Variants in RBM6 observed in about 807,000 individuals in gnomAD.
The protein encoded by RBM6 is RNA binding motif protein 6, also known as RNA-binding protein 6.
Under a neutral mutation model 140.4 loss-of-function variants are expected in RBM6, and 23 were observed. That is an observed-to-expected ratio of 0.16 (90% CI 0.12 to 0.23). The LOEUF (loss-of-function observed/expected upper bound fraction) is 0.23. Ranked by LOEUF, RBM6 falls within the 10% of genes least tolerant of loss-of-function variation. RBM6 has a pLI of 1.00. For synonymous variants in RBM6, 439 were observed against 475.6 expected (o/e 0.92, Z 1.00); for missense variants, 1,139 against 1,386.7 (o/e 0.82, Z 2.84).
chr3:49,967,578 T>A lies in RBM6; in HGVS notation c.153T>A (p.Asp51Glu). Residue 51 changes from aspartate (D) to glutamate (E), a missense_variant, in exon 3 of 21, where the codon GAT becomes GAA. Transcript: ENST00000266022. The surrounding 1 kb of genome is among the most constrained non-coding windows in gnomAD (Gnocchi z 4.0). ...ACTCTGGCAACTTTCCTGGCAGAGATTCACTTCCCTTTGATTTCCAGGGGC... is the reference window on the plus strand; with the variant it reads ...ACTCTGGCAACTTTCCTGGCAGAGAATCACTTCCCTTTGATTTCCAGGGGC... The part of the protein sequence containing the change: ...ERHSGNFPGR[D>E]SLPFDFQGHS... The A allele has an allele frequency of 6.2e-7, 1 of 1,614,168 alleles. No individual in the cohort carries two copies. The highest frequency in any genetic ancestry group is 8.5e-7 in the Non-Finnish European group (1 of 1,180,024).
chr3:50,015,330 A>G (rs1185929349), intron 6 of RBM6, among the ~76,000 whole-genome samples: 1 of 147,666 alleles, frequency 6.8e-6, no homozygotes, highest in African/African-American at 2.5e-5. Flanking sequence ...CTGGTCTCAA[A>G]CTCCTGACCT....
chr3:50,033,876 G>A (rs1234526328), intron 6 of RBM6, among the ~76,000 whole-genome samples: 3 of 151,942 alleles, frequency 2.0e-5, no homozygotes, highest in African/African-American at 4.8e-5. Context: ...TCCCGACCTC[G>A]TGATCCCCCT....
chr3:49,998,855 G>GA (rs1453328817), intron 5 of RBM6, among the ~76,000 whole-genome samples: 2 of 151,782 alleles, frequency 1.3e-5, no homozygotes, highest in African/African-American at 4.8e-5. Context: ...TTGAAACAAG[G>GA]AAAAAAAGAG....
chr3:50,055,149 T>C (rs2089650045), intron 8 of RBM6, among the ~76,000 whole-genome samples: 1 of 152,184 alleles, frequency 6.6e-6, no homozygotes, highest in African/African-American at 2.4e-5. Flanking sequence ...CAATTTGAGC[T>C]AGGCATGGTG....
chr3:50,057,965 C>T lies in RBM6; in HGVS notation c.1931C>T (p.Ser644Leu). 2 of 1,614,042 alleles carry T rather than the reference C, an allele frequency of 1.2e-6. No individual in the cohort carries two copies. The highest frequency in any genetic ancestry group is 1.7e-6 in the Non-Finnish European group (2 of 1,180,034). ...TTCCGAAGAGACCGAGAGAGGGAGT[C>T]ATGGTCTGGAGAGACACGCCAGGAT... ...PTFRRDRERE[S>L]WSGETRQDGE... Residue 644 changes from serine (S) to leucine (L), a missense_variant, in exon 9 of 21, where the codon TCA becomes TTA. Around this residue, in one of 9 missense-constraint regions of RBM6, gnomAD observed 109 missense variants for 101.9 expected, o/e 1.07. Transcript: ENST00000266022.
At chr3:50,034,081 C>CT (rs1195086794) in intron 6 of RBM6, among the ~76,000 whole-genome samples, 1 of 139,260 alleles carries the variant, frequency 7.2e-6, no homozygotes, top group Admixed American at 7.9e-5. Context: ...TTATTTGTTT[C>CT]TATACTTCCT....
chr3:50,062,466 T>C (rs993808616), intron 15 of RBM6, among the ~76,000 whole-genome samples: 2 of 148,676 alleles, frequency 1.3e-5, no homozygotes, highest in Non-Finnish European at 3.0e-5. Flanking sequence ...ATCGCGCCAC[T>C]ACACTCCAGC....
intron 5 of RBM6, among the ~76,000 whole-genome samples, chr3:49,980,581 G>A (rs116563428): frequency 0.014 from 2,095 of 151,312 alleles, 50 homozygotes; most frequent in African/African-American, 0.048. Flanking sequence ...CCAACATGGC[G>A]AACGAAACCT....
chr3:50,061,769 G>A, intron 14 of RBM6, 193 bp from the exon 15 acceptor site: 7 of 1,303,406 alleles, frequency 5.4e-6, no homozygotes, highest in Non-Finnish European at 7.2e-6. Context: ...TGTTGCTCTT[G>A]AAAAAGTGGA....
chr3:50,066,545 TG>T (rs1214050770), intron 17 of RBM6, 43 bp downstream of exon 17: 1 of 1,584,942 alleles, frequency 6.3e-7, no homozygotes, highest in South Asian at 1.1e-5. Context: ...TGTTGACTCT[TG>T]GCCGGGCTTT....
intron 5 of RBM6, among the ~76,000 whole-genome samples, chr3:49,990,083 C>T (rs1408258930): frequency 1.3e-5 from 2 of 152,106 alleles, no homozygotes; most frequent in African/African-American, 4.8e-5. Context: ...AGTAATACTA[C>T]ATTGAGGGAA....
chr3:50,038,602 C>T (rs1220428208), intron 6 of RBM6, among the ~76,000 whole-genome samples: 1 of 152,084 alleles, frequency 6.6e-6, no homozygotes, highest in African/African-American at 2.4e-5. Flanking sequence ...GAGGCCGAGG[C>T]GGGCGGATCA....
intron 6 of RBM6, among the ~76,000 whole-genome samples, chr3:50,020,907 A>C (rs1268818072): frequency 6.6e-6 from 1 of 152,210 alleles, no homozygotes; most frequent in Non-Finnish European, 1.5e-5. Context: ...ATTATACAGC[A>C]TCTGACCATA....
intron 7 of RBM6, among the ~76,000 whole-genome samples, chr3:50,053,683 T>G (rs2089576770): frequency 6.6e-6 from 1 of 152,248 alleles, no homozygotes; most frequent in South Asian, 2.1e-4. Context: ...CCAACCAAGT[T>G]TCTGCCCCCA....
At chr3:50,026,461 C>T (rs1375055313) in intron 6 of RBM6, among the ~76,000 whole-genome samples, 2 of 150,620 alleles carry the variant, frequency 1.3e-5, no homozygotes, top group African/African-American at 4.9e-5. Flanking sequence ...CTCACTGCAA[C>T]CTCTGCTTCA....
chr3:50,069,832 T>C (rs2090242253), intron 18 of RBM6, among the ~76,000 whole-genome samples: 1 of 152,204 alleles, frequency 6.6e-6, no homozygotes, highest in Non-Finnish European at 1.5e-5. Flanking sequence ...CACCTCTCCA[T>C]GTAAGAGCTG....
chr3:50,008,253 T>C (rs1273830430), intron 6 of RBM6, among the ~76,000 whole-genome samples: 2 of 152,254 alleles, frequency 1.3e-5, no homozygotes, highest in African/African-American at 2.4e-5. Flanking sequence ...CCTTCTGATA[T>C]GTGTCCTACA....
intron 6 of RBM6, chr3:50,047,183 A>C: frequency 2.0e-6 from 2 of 984,946 alleles, no homozygotes; most frequent in South Asian, 9.4e-5. Context: ...TATTTGACAG[A>C]TGTATGGATT....
In RBM6 at chr3:49,967,612, C is replaced by T; in HGVS notation, c.187C>T (p.Pro63Ser). Residue 63 changes from proline to serine, a missense_variant, in exon 3 of 21, where the codon CCT becomes TCT. By Grantham distance (74) the Pro-to-Ser change is moderately conservative. Coordinates refer to ENST00000266022, the MANE Select transcript of RBM6 (RefSeq NM_005777.3). The surrounding 1 kb of genome is among the most constrained non-coding windows in gnomAD (Gnocchi z 4.0). ...LPFDFQGHSG[P>S]PFANVEEHSF... ...CTTTGATTTCCAGGGGCATTCGGGG[C>T]CTCCTTTTGCAAATGTAGAGGAGCA... 3 of 1,614,092 alleles carry T rather than the reference C, an allele frequency of 1.9e-6. No homozygotes were observed. The highest frequency in any genetic ancestry group is 2.5e-6 in the Non-Finnish European group (3 of 1,180,036).
Sources: allele counts gnomAD v4.1 joint callset (sites outside exome capture counted in the v4.1 genomes callset), GRCh38; gene constraint gnomAD v4.1.1; regional missense constraint gnomAD v4.1.1; non-coding constraint Gnocchi (gnomAD v3.1); transcripts MANE v1.5; gene names NCBI Gene and HGNC (gene_info 2026-07-23, HGNC 2026-07-21).